The following PCDHGA8 variants were observed in gnomAD, a reference collection of about 807,000 sequenced individuals.
The protein encoded by PCDHGA8 is protocadherin gamma-A8.
Under a neutral mutation model 59.2 loss-of-function variants are expected in PCDHGA8, and 45 were observed. That is an observed-to-expected ratio of 0.76 (90% CI 0.60 to 0.98). PCDHGA8 has a LOEUF of 0.98. PCDHGA8 is among the 50% of genes least tolerant of loss of function. The pLI is 0.00. For missense variants in PCDHGA8, 1,257 were observed against 1,196.2 expected (o/e 1.05, Z -0.75); for synonymous variants, 531 against 519.0 (o/e 1.02, Z -0.32).
intron 1 of PCDHGA8, among the ~76,000 whole-genome samples, chr5:141,434,049 A>G (rs868088310): frequency 2.0e-5 from 3 of 152,116 alleles, no homozygotes; most frequent in Non-Finnish European, 2.9e-5. Flanking sequence ...ATTTTATTCA[A>G]TGGCCTGTAA....
Position 141,485,660 on chromosome 5 carries a change from G to A in PCDHGA8, c.2425-9147G>A. On this transcript the variant is annotated intron_variant, in intron 1 of 3. Transcript: ENST00000398604. The surrounding 1 kb of genome is among the most constrained non-coding windows in gnomAD (Gnocchi z 5.7). ...GGAAAAGGCTCAGGATGCAGATGTG[G>A]GGAGCAATTCGATTAGCAGCTATAG... is the stretch of plus-strand genomic sequence containing the variant. 1 of 1,612,716 alleles carries A rather than the reference G, an allele frequency of 6.2e-7. No individual in the cohort carries two copies. Among genetic ancestry groups the A allele is most frequent in the Non-Finnish European group, 8.5e-7 (1 of 1,178,898 alleles).
intron 1 of PCDHGA8, among the ~76,000 whole-genome samples, chr5:141,465,396 C>A (rs2099102528): frequency 6.6e-6 from 1 of 152,054 alleles, no homozygotes; most frequent in Admixed American, 6.6e-5. Context: ...AAAAACAAGT[C>A]AGAAGAAGCC....
At chr5:141,412,980 A>G (rs2095595071) in intron 1 of PCDHGA8, 2 of 543,674 alleles carry the variant, frequency 3.7e-6, no homozygotes, top group Non-Finnish European at 6.3e-6. Flanking sequence ...AAACGCAGCC[A>G]GAGCTCAATC....
chr5:141,398,557 G>A, intron 1 of PCDHGA8: 1 of 1,613,916 alleles, frequency 6.2e-7, no homozygotes. Flanking sequence ...GCAAATAAGT[G>A]AGTCTGCACA....
At position 141,505,489 on chromosome 5, in the gene PCDHGA8, G is replaced by A. The variant is rs759637750; in HGVS notation, c.2572+8G>A. On this transcript the variant is annotated splice_region_variant and intron_variant, in intron 3 of 3. Coordinates refer to ENST00000398604, the MANE Select transcript of PCDHGA8 (RefSeq NM_032088.2). ...TCTTGGCGTCCGCCAGTGGTAAGTG[G>A]TGTCAGTGTGTGTATGGAAGAGTGG... The A allele has an allele frequency of 6.2e-7, 1 of 1,614,218 alleles. No homozygotes were observed. The highest frequency in any genetic ancestry group is 1.7e-5 in the Admixed American group (1 of 60,032).
intron 1 of PCDHGA8, chr5:141,408,041 C>T: frequency 1.7e-6 from 2 of 1,193,652 alleles, no homozygotes; most frequent in Non-Finnish European, 2.3e-6. Context: ...AAACCAGCTC[C>T]CACACAGAGC....
intron 3 of PCDHGA8, among the ~76,000 whole-genome samples, chr5:141,506,146 T>C (rs1014881418): frequency 6.6e-6 from 1 of 152,086 alleles, no homozygotes; most frequent in African/African-American, 2.4e-5. Context: ...AAGAATATCA[T>C]TTGTCCTTAA....
At chr5:141,407,535 T>C (rs1471174995) in intron 1 of PCDHGA8, among the ~76,000 whole-genome samples, 1 of 151,840 alleles carries the variant, frequency 6.6e-6, no homozygotes, top group Non-Finnish European at 1.5e-5. Context: ...TTATTGTGCA[T>C]TGGTAACAGA....
intron 1 of PCDHGA8, chr5:141,419,386 G>T: frequency 2.5e-6 from 4 of 1,613,650 alleles, no homozygotes; most frequent in Non-Finnish European, 3.4e-6. Context: ...CCGTGAGCGC[G>T]CAGAGCGGGG....
chr5:141,489,397 G>T lies in PCDHGA8; in HGVS notation c.2425-5410G>T. ...GGTGGGGAATGTTGCTCAGGATCTG[G>T]GCTTAAAGATGACAGATCTGTTGAG... On this transcript the variant is annotated intron_variant, in intron 1 of 3. Coordinates refer to ENST00000398604, the MANE Select transcript of PCDHGA8 (RefSeq NM_032088.2). The surrounding 1 kb of genome is among the most constrained non-coding windows in gnomAD (Gnocchi z 4.5). 2 of 1,614,176 alleles carry T rather than the reference G, an allele frequency of 1.2e-6. No individual in the cohort carries two copies. Among genetic ancestry groups the T allele is most frequent in the Non-Finnish European group, 1.7e-6 (2 of 1,180,038 alleles).
At position 141,476,881 on chromosome 5, in the gene PCDHGA8, G is replaced by A. The variant is rs1458703890; in HGVS notation, c.2425-17926G>A. On this transcript the variant is annotated intron_variant, in intron 1 of 3. Coordinates refer to ENST00000398604, the MANE Select transcript of PCDHGA8 (RefSeq NM_032088.2). The surrounding 1 kb of genome is among the most constrained non-coding windows in gnomAD (Gnocchi z 7.6). The stretch of plus-strand genomic sequence containing the variant: ...CCTTGTACCGGGCGCGCGTCCTGGA[G>A]GATGCACCCTCCGGCACGCGCGTGG... 1.9e-6 allele frequency: 3 copies of A among 1,613,874 alleles called. No homozygotes were observed. Among genetic ancestry groups the A allele is most frequent in the Middle Eastern group, 1.6e-4 (1 of 6,084 alleles).
At chr5:141,415,712 T>G (rs2095901969) in intron 1 of PCDHGA8, 3 of 1,326,794 alleles carry the variant, frequency 2.3e-6, no homozygotes, top group Non-Finnish European at 3.1e-6. Context: ...GCTAAAACAC[T>G]GATGAGTAGA....
At chr5:141,409,075 G>A (rs1416534881) in intron 1 of PCDHGA8, 2 of 1,613,904 alleles carry the variant, frequency 1.2e-6, no homozygotes, top group East Asian at 2.2e-5. Flanking sequence ...CAAAACATAT[G>A]TTCTCATTGG....
At chr5:141,423,067 G>C (rs757110751) in intron 1 of PCDHGA8, 36 of 1,614,024 alleles carry the variant, frequency 2.2e-5, no homozygotes, top group Non-Finnish European at 2.9e-5. Context: ...TAAGGCCAGC[G>C]AGCCGGGACT....
intron 1 of PCDHGA8, chr5:141,414,054 G>T: frequency 6.2e-7 from 1 of 1,610,250 alleles, no homozygotes; most frequent in South Asian, 1.1e-5. Context: ...ACACGCAATT[G>T]TTGAAGTTCC....
At chr5:141,507,896 G>A (rs1457319438) in intron 3 of PCDHGA8, among the ~76,000 whole-genome samples, 1 of 152,210 alleles carries the variant, frequency 6.6e-6, no homozygotes, top group African/African-American at 2.4e-5. Flanking sequence ...GGTTCCTGAA[G>A]TCCAGCCCAG....
intron 1 of PCDHGA8, among the ~76,000 whole-genome samples, chr5:141,402,517 G>A (rs2094277430): frequency 6.6e-6 from 1 of 152,024 alleles, no homozygotes; most frequent in African/African-American, 2.4e-5. Context: ...ATTAAGCAAT[G>A]GTTTGTGATT....
intron 1 of PCDHGA8, chr5:141,400,718 A>G (rs2094066078): frequency 3.0e-6 from 2 of 671,700 alleles, no homozygotes; most frequent in Non-Finnish European, 5.0e-6. Flanking sequence ...AGCCTTATAG[A>G]TTTACAAAGT....
intron 2 of PCDHGA8, among the ~76,000 whole-genome samples, chr5:141,500,779 T>C (rs1222392685): frequency 1.3e-5 from 2 of 152,238 alleles, no homozygotes; most frequent in Non-Finnish European, 2.9e-5. Context: ...TGAATATACA[T>C]ATTATTTTAC....
Sources: gnomAD v4.1 joint callset for allele counts (sites outside exome capture counted in the v4.1 genomes callset) on GRCh38, gnomAD v4.1.1 for gene constraint, Gnocchi (gnomAD v3.1) non-coding constraint, MANE v1.5 for transcripts, NCBI Gene and HGNC (gene_info 2026-07-23, HGNC 2026-07-21) for gene names.